Variants in ACAP1 observed in about 807,000 individuals in gnomAD.
ACAP1 encodes the protein arf-GAP with coiled-coil, ANK repeat and PH domain-containing protein 1.
ACAP1 carries 45 observed loss-of-function variants against 98.8 expected under a neutral mutation model. The observed-to-expected ratio is 0.46, with a 90% CI of 0.36 to 0.58. ACAP1 has a LOEUF of 0.58. Among genes scored for constraint, ACAP1 ranks in the 20% least tolerant of loss-of-function variants. The pLI is 0.00. For synonymous variants in ACAP1, 362 were observed against 375.3 expected, an observed-to-expected ratio of 0.96 and a Z score of 0.41; for missense variants, 735 against 971.4, an observed-to-expected ratio of 0.76 and a Z score of 3.24.
rs1597652844 is a variant in ACAP1, at chr17:7,346,251, T to G, written c.862T>G (p.Phe288Val). The G allele has an allele frequency of 1.2e-6, 2 of 1,614,176 alleles. No homozygotes were observed. The highest frequency in any genetic ancestry group is 1.7e-6 in the Non-Finnish European group (2 of 1,180,018). Residue 288 changes from phenylalanine to valine, a missense_variant, in exon 11 of 22, where the codon TTC (phenylalanine) becomes GTC (valine). Phe to Val is a conservative substitution (Grantham distance 50). Coordinates refer to ENST00000158762, the MANE Select transcript of ACAP1 (RefSeq NM_014716.4). ...NAFKTWSRRW[F>V]TIQSNQLVYQ... is the part of the protein sequence containing the mutation. ...GATTTCCTTCTCTTACAGACGCTGG[T>G]TCACCATTCAGAGCAACCAACTGGT...
intron 5 of ACAP1, 159 bp downstream of exon 5, chr17:7,342,633 C>T: frequency 4.8e-6 from 4 of 835,930 alleles, no homozygotes; most frequent in South Asian, 1.7e-5. Flanking sequence ...GGCACGGTGG[C>T]TCATGCCTAT....
At chr17:7,348,946 C>T (rs1029142553) in intron 17 of ACAP1, 49 bp from the exon 18 acceptor site, 2 of 1,568,280 alleles carry the variant, frequency 1.3e-6, no homozygotes, top group East Asian at 2.2e-5. Flanking sequence ...GGGTTTTCTT[C>T]CCAGACTCGG....
At chr17:7,336,828 C>CT (rs774222490) in intron 1 of ACAP1, 41 bp downstream of exon 1, 6 of 1,600,160 alleles carry the variant, frequency 3.7e-6, no homozygotes, top group Non-Finnish European at 5.1e-6. Flanking sequence ...AGGGGAAAGT[C>CT]TAACACCCCC....
At position 7,344,008 on chromosome 17, in the gene ACAP1, T is replaced by C. The variant is rs756182186; in HGVS notation, c.670-41T>C. 6.3e-7 allele frequency: 1 copy of C among 1,575,908 alleles called. No individual in the cohort carries two copies. The highest frequency in any genetic ancestry group is 1.4e-5 in the African/African-American group (1 of 73,842). ...TAGAGGGAGGTTAGGGACTCCTAAC[T>C]GGGGGGCCTTGGACATCTGAGATGC... On this transcript the variant is annotated intron_variant, in intron 8 of 21. Transcript: ENST00000158762. This position sits in a 1 kb window ranked among gnomAD's most constrained non-coding sequence, Gnocchi z 4.9.
rs754740225 is a variant in ACAP1, at chr17:7,343,420, G to T, written c.386G>T (p.Arg129Leu). The T allele has an allele frequency of 6.2e-7, 1 of 1,613,674 alleles. No individual in the cohort carries two copies. The highest frequency in any genetic ancestry group is 8.5e-7 in the Non-Finnish European group (1 of 1,179,894). ...GFREARRDFW[R>L]GAESLEAALT... ...CGAGAGGCTCGCCGGGATTTCTGGCGGGGGGCTGAGAGCCTGGAGGCTGCC... is the reference window on the plus strand; with the variant it reads ...CGAGAGGCTCGCCGGGATTTCTGGCTGGGGGCTGAGAGCCTGGAGGCTGCC... Residue 129 changes from arginine to leucine, a missense_variant, in exon 6 of 22, where the codon CGG (arginine) becomes CTG (leucine). Arg to Leu is a moderately radical substitution (Grantham distance 102, BLOSUM62 -2). Around this residue, in one of 5 missense-constraint regions of ACAP1, gnomAD observed 430 missense variants for 531.8 expected, o/e 0.81. Coordinates refer to ENST00000158762, the MANE Select transcript of ACAP1 (RefSeq NM_014716.4). This position sits in a 1 kb window ranked among gnomAD's most constrained non-coding sequence, Gnocchi z 4.9.
chr17:7,348,061 C>T (rs775471861), intron 15 of ACAP1, 66 bp from the exon 16 acceptor site: 222 of 1,607,862 alleles, frequency 1.4e-4, no homozygotes, highest in Non-Finnish European at 1.7e-4. Flanking sequence ...GGTGCAGGGG[C>T]GTGATCCCTG....
chr17:7,342,403 C>T lies in ACAP1; in HGVS notation c.286-13C>T, dbSNP rs371072943. The T allele has an allele frequency of 8.7e-6, 14 of 1,614,052 alleles. No individual in the cohort carries two copies. Among genetic ancestry groups the T allele is most frequent in the African/African-American group, 1.3e-5 (1 of 74,924 alleles). ...GGTCCTGACCCCAGTCTACCAACTTCTCCTTCCCTCAGGAGCTTCTAGATG... is the reference window on the plus strand; with the variant it reads ...GGTCCTGACCCCAGTCTACCAACTTTTCCTTCCCTCAGGAGCTTCTAGATG... On this transcript the variant is annotated splice_polypyrimidine_tract_variant and intron_variant, in intron 4 of 21. Coordinates refer to ENST00000158762, the MANE Select transcript of ACAP1 (RefSeq NM_014716.4).
chr17:7,346,530 A>C, intron 12 of ACAP1, 39 bp downstream of exon 12: 8 of 1,507,886 alleles, frequency 5.3e-6, no homozygotes, highest in Non-Finnish European at 7.2e-6. Context: ...TAATATATCT[A>C]AACAACTGCC....
At chr17:7,349,900 C>G in intron 18 of ACAP1, 45 bp from the exon 19 acceptor site, 1 of 1,476,490 alleles carries the variant, frequency 6.8e-7, no homozygotes, top group Non-Finnish European at 9.3e-7. Flanking sequence ...AAATCCACCA[C>G]TAGGGATGCC....
rs904764643 is a variant in ACAP1, at chr17:7,347,659, A to G, written c.1344-263A>G. 4 of 575,796 alleles carry G rather than the reference A, an allele frequency of 6.9e-6. No homozygotes were observed. The Admixed American group carries it at 1.2e-4, about 18-fold the overall frequency. 35.7% of individuals were successfully genotyped at this position (575,796 alleles called of 1,614,324 possible). ...TCCAGGCCAAAGTGTCACAAGTGTCACTAGAGAAGGGAGGTGGCTGGAGTG... is the reference window on the plus strand; with the variant it reads ...TCCAGGCCAAAGTGTCACAAGTGTCGCTAGAGAAGGGAGGTGGCTGGAGTG... On this transcript the variant is annotated intron_variant, in intron 14 of 21. Transcript: ENST00000158762.
chr17:7,336,685 C>G lies in ACAP1; in HGVS notation c.-50C>G, dbSNP rs761005826. ...ACAGAAAGTGCCTCCACCTGCATCCCCAGGGGCCCGGCCTCCAGGGCCCGC... is the reference window on the plus strand; with the variant it reads ...ACAGAAAGTGCCTCCACCTGCATCCGCAGGGGCCCGGCCTCCAGGGCCCGC... On this transcript the variant is annotated 5_prime_UTR_variant, in exon 1 of 22. Coordinates refer to ENST00000158762, the MANE Select transcript of ACAP1 (RefSeq NM_014716.4). The G allele has an allele frequency of 1.2e-5, 19 of 1,609,778 alleles. No homozygotes were observed. The South Asian group carries it at 1.9e-4, about 16-fold the overall frequency.
Position 7,337,354 on chromosome 17 carries a change from G to C in ACAP1, c.96G>C (p.Glu32Asp), listed in dbSNP as rs1188993457. Residue 32 changes from glutamate (E) to aspartate (D), a missense_variant, in exon 2 of 22, where the codon GAG (glutamate) becomes GAC (aspartate). Around this residue, in one of 5 missense-constraint regions of ACAP1, gnomAD observed 430 missense variants for 531.8 expected, o/e 0.81. Transcript: ENST00000158762. ...TGGAAGCCGAAGTGTCAGAATTGGAGACCCGTCTGGAAAAGGTGACCCTGA... is the reference window on the plus strand; with the variant it reads ...TGGAAGCCGAAGTGTCAGAATTGGACACCCGTCTGGAAAAGGTGACCCTGA... The part of the protein sequence containing the change: ...ELVEAEVSEL[E>D]TRLEKLLKLG... 6.2e-7 allele frequency: 1 copy of C among 1,614,150 alleles called. No homozygotes were observed. Among genetic ancestry groups the C allele is most frequent in the Non-Finnish European group, 8.5e-7 (1 of 1,180,012 alleles).
intron 17 of ACAP1, 130 bp from the exon 18 acceptor site, chr17:7,348,865 T>C: frequency 1.2e-6 from 1 of 846,904 alleles, no homozygotes; most frequent in South Asian, 1.6e-5. Context: ...ATCACTCTAT[T>C]CCCTCCACAG....
rs745734611 is a variant in ACAP1 at position 7,348,405 on chromosome 17, A to T, written c.1608A>T (p.Pro536=). Residue 536 remains proline, a synonymous_variant, in exon 17 of 22, where the codon CCA becomes CCT. Coordinates refer to ENST00000158762, the MANE Select transcript of ACAP1 (RefSeq NM_014716.4). Reference sequence around the variant, plus strand: ...GGCGAAGAGGTGGCCGGGGGCGCCCAAGGGGGCAGCCTCCTGTGCCCCCAA... The same window carrying T: ...GGCGAAGAGGTGGCCGGGGGCGCCCTAGGGGGCAGCCTCCTGTGCCCCCAA... ...IRGRRGGRGR[P]RGQPPVPPKP... The T allele has an allele frequency of 5.2e-6, 8 of 1,545,004 alleles. No individual in the cohort carries two copies. In the Middle Eastern group the frequency reaches 6.9e-4, roughly 134 times the overall value.
intron 14 of ACAP1, 91 bp from the exon 15 acceptor site, chr17:7,347,831 C>A: frequency 2.6e-6 from 3 of 1,134,098 alleles, no homozygotes; most frequent in Non-Finnish European, 2.7e-6. Context: ...CCCATGCCAG[C>A]CTTGCCTCCC....
intron 2 of ACAP1, among the ~76,000 whole-genome samples, chr17:7,340,568 G>GGC (rs2073265913): frequency 6.6e-6 from 1 of 152,214 alleles, no homozygotes; most frequent in Non-Finnish European, 1.5e-5. Context: ...GGTCAGGCCA[G>GGC]GTGCAGTGGC....
chr17:7,347,942 C>T lies in ACAP1; in HGVS notation c.1364C>T (p.Ser455Phe). The T allele has an allele frequency of 1.2e-6, 2 of 1,614,182 alleles. No individual in the cohort carries two copies. Among genetic ancestry groups the T allele is most frequent in the Non-Finnish European group, 8.5e-7 (1 of 1,180,012 alleles). ...GIHRSLGVHF[S>F]KVRSLTLDSW... The stretch of plus-strand genomic sequence containing the variant: ...TCCAGGAGCCTTGGTGTTCACTTCT[C>T]CAAAGTCCGGTCTCTGACCCTTGAC... The change falls in exon 15 of 22, where the codon TCC (serine) becomes TTC (phenylalanine). Residue 455 changes from serine to phenylalanine, a missense_variant. Ser to Phe is a radical substitution (Grantham distance 155, BLOSUM62 -2). Coordinates refer to ENST00000158762, the MANE Select transcript of ACAP1 (RefSeq NM_014716.4).
In ACAP1 at chr17:7,349,318, G is replaced by C. The variant is rs575542433; in HGVS notation, c.1851+151G>C. 69 of 831,776 alleles carry C rather than the reference G, an allele frequency of 8.3e-5. 1 individual carries two copies. The highest frequency in any genetic ancestry group is 1.1e-4 in the Non-Finnish European group (62 of 557,680). 51.5% of individuals were successfully genotyped at this position (831,776 alleles called of 1,614,324 possible). ...CAACAATAGAGACTGGTTGCTAAGA[G>C]TGTGTGATTTGGAGGCAGAGAACCT... On this transcript the variant is annotated intron_variant, in intron 18 of 21. Coordinates refer to ENST00000158762, the MANE Select transcript of ACAP1 (RefSeq NM_014716.4).
intron 18 of ACAP1, chr17:7,349,439 G>A (rs972789130): frequency 3.3e-5 from 12 of 359,916 alleles, no homozygotes; most frequent in South Asian, 1.5e-4. Context: ...GCAATGGTGC[G>A]ATCTCGGCTC....
Sources: allele counts gnomAD v4.1 joint callset (sites outside exome capture counted in the v4.1 genomes callset), GRCh38; gene constraint gnomAD v4.1.1; regional missense constraint gnomAD v4.1.1; non-coding constraint Gnocchi (gnomAD v3.1); transcripts MANE v1.5; gene names NCBI Gene and HGNC (gene_info 2026-07-23, HGNC 2026-07-21).